The following PIK3AP1 variants were observed in gnomAD, a reference collection of about 807,000 sequenced individuals.
The protein encoded by PIK3AP1 is phosphoinositide 3-kinase adapter protein 1.
PIK3AP1 carries 21 observed loss-of-function variants against 88.1 expected under a neutral mutation model. The ratio of observed to expected loss-of-function variants is 0.24; its 90% confidence interval spans 0.17 to 0.34. PIK3AP1 has a LOEUF of 0.34. Among genes scored for constraint, PIK3AP1 ranks in the 10% least tolerant of loss-of-function variants. The pLI, the probability that PIK3AP1 is intolerant of heterozygous loss-of-function variation, is 1.00. For missense variants in PIK3AP1, 828 were observed against 1,035.7 expected (o/e 0.80, Z 2.75); for synonymous variants, 398 against 400.0 (o/e 1.00, Z 0.06).
rs369164335 is a variant in PIK3AP1, at chr10:96,706,553, T to C, written c.430+3014A>G. Among the ~76,000 whole-genome samples, 190 of 152,320 alleles carry C rather than the reference T, an allele frequency of 1.2e-3. 1 individual carries two copies. The highest frequency in any genetic ancestry group is 4.4e-3 in the African/African-American group (182 of 41,574). On this transcript the variant is annotated intron_variant, in intron 2 of 16. Transcript: ENST00000339364. ...TACTTCAAAAATATTTAAGATTTTC[T>C]GGCCTAGGTGAATCACAGATTTTTA... is the stretch of plus-strand genomic sequence containing the variant.
chr10:96,719,889 G>A (rs1297562844), intron 1 of PIK3AP1, among the ~76,000 whole-genome samples: 1 of 152,062 alleles, frequency 6.6e-6, no homozygotes, highest in Admixed American at 6.5e-5. Flanking sequence ...AAGCCTGGGA[G>A]GGGTGGAGGA....
intron 8 of PIK3AP1, among the ~76,000 whole-genome samples, chr10:96,639,592 T>C (rs1843357792): frequency 6.6e-6 from 1 of 152,220 alleles, no homozygotes; most frequent in Admixed American, 6.5e-5. Context: ...CTTGTATTTA[T>C]GGAGGAGCAA....
Position 96,651,535 on chromosome 10 carries a change from C to A in PIK3AP1, c.829G>T (p.Ala277Ser), listed in dbSNP as rs182619826. 2.9e-5 allele frequency: 47 copies of A among 1,614,174 alleles called. 1 individual carries two copies. In the East Asian group the frequency reaches 1.0e-3, roughly 34 times the overall value. Reference protein sequence around the residue: ...EEIGNLLSNAANPVEFMCQAF... With the variant: ...EEIGNLLSNASNPVEFMCQAF... ...TGACACATGAATTCCACAGGATTCG[C>A]GGCATTGGACAATAAATTCCCAATT... The change falls in exon 5 of 17, where the codon GCG (alanine) becomes TCG (serine). Residue 277 changes from alanine (A) to serine (S), a missense_variant. This residue lies in a region of PIK3AP1 where 610 missense variants were observed against 760.1 expected (regional missense o/e 0.80). Transcript: ENST00000339364.
chr10:96,613,001 T>A (rs1275172816), intron 13 of PIK3AP1, among the ~76,000 whole-genome samples: 17 of 80,794 alleles, frequency 2.1e-4, no homozygotes, highest in Non-Finnish European at 3.6e-4. Flanking sequence ...TTTTTTTTTT[T>A]TTTTTTTTTT....
intron 2 of PIK3AP1, among the ~76,000 whole-genome samples, chr10:96,680,409 T>C (rs955416144): frequency 6.6e-6 from 1 of 152,158 alleles, no homozygotes; most frequent in African/African-American, 2.4e-5. Context: ...GTCATCCAGG[T>C]ACTAAGCCTA....
rs539132228 is a variant in PIK3AP1 at position 96,674,497 on chromosome 10, GTTGT to G, written c.431-17567_431-17564del. On this transcript the variant is annotated intron_variant, in intron 2 of 16. Coordinates refer to ENST00000339364, the MANE Select transcript of PIK3AP1 (RefSeq NM_152309.3). ...GCAAGACAAAGTTAAATCAATTAGTGTTGTTTATCTGTTGACCAAATTTTTCTTC... is the reference window on the plus strand; with the variant it reads ...GCAAGACAAAGTTAAATCAATTAGTGTTATCTGTTGACCAAATTTTTCTTC... 3.9e-5 allele frequency among the ~76,000 whole-genome samples: 6 copies of G among 152,348 alleles called. No individual in the cohort carries two copies. The South Asian group carries it at 1.2e-3, about 32-fold the overall frequency.
At chr10:96,703,819 T>A (rs1844329437) in intron 2 of PIK3AP1, among the ~76,000 whole-genome samples, 1 of 152,224 alleles carries the variant, frequency 6.6e-6, no homozygotes, top group East Asian at 1.9e-4. Context: ...TATAATGGTA[T>A]ATTACAGTGC....
intron 16 of PIK3AP1, among the ~76,000 whole-genome samples, chr10:96,597,669 C>T (rs1364944608): frequency 3.9e-5 from 6 of 152,098 alleles, no homozygotes; most frequent in African/African-American, 9.7e-5. Context: ...CTGATCCCTA[C>T]GTTGGAGTAC....
In PIK3AP1 at chr10:96,684,197, T is replaced by C. The variant is rs184830117; in HGVS notation, c.430+25370A>G. ...TCTTAAAGCTTCTCAGCCATTCTTT[T>C]CTATTAAAGACCATTGGCATAGCTA... is the stretch of plus-strand genomic sequence containing the variant. On this transcript the variant is annotated intron_variant, in intron 2 of 16. Coordinates refer to ENST00000339364, the MANE Select transcript of PIK3AP1 (RefSeq NM_152309.3). Among the ~76,000 whole-genome samples the C allele has an allele frequency of 9.2e-4, 140 of 152,374 alleles. 1 individual carries two copies. The highest frequency in any genetic ancestry group is 3.3e-3 in the African/African-American group (137 of 41,586).
In PIK3AP1 at chr10:96,656,223, T is replaced by C. The variant is rs141529363; in HGVS notation, c.567+575A>G. 2.9e-4 allele frequency among the ~76,000 whole-genome samples: 44 copies of C among 152,350 alleles called. No homozygotes were observed. The East Asian group carries it at 7.9e-3, about 27-fold the overall frequency. ...CATCAGTACTAAGGTAGGATTCAAA[T>C]GGCAGTGGCTCATCAGTTGGGCCCT... is the stretch of plus-strand genomic sequence containing the variant. On this transcript the variant is annotated intron_variant, in intron 3 of 16. Transcript: ENST00000339364.
intron 5 of PIK3AP1, 40 bp from the exon 6 acceptor site, chr10:96,651,420 C>T (rs1302397667): frequency 6.2e-7 from 1 of 1,614,122 alleles, no homozygotes; most frequent in South Asian, 1.1e-5. Flanking sequence ...TGAAATCCAG[C>T]TCTCTTCCAT....
chr10:96,682,239 T>C (rs2134264449), intron 2 of PIK3AP1, among the ~76,000 whole-genome samples: 2 of 152,330 alleles, frequency 1.3e-5, no homozygotes, highest in South Asian at 4.1e-4. Flanking sequence ...TTCTAACGAT[T>C]GAAGCTTTAG....
At chr10:96,697,517 G>A (rs1844236782) in intron 2 of PIK3AP1, among the ~76,000 whole-genome samples, 1 of 152,170 alleles carries the variant, frequency 6.6e-6, no homozygotes, top group African/African-American at 2.4e-5. Flanking sequence ...CAGTCCAGGA[G>A]TTCGAGACTA....
At chr10:96,626,187 G>T (rs1000042360) in intron 10 of PIK3AP1, among the ~76,000 whole-genome samples, 6 of 152,180 alleles carry the variant, frequency 3.9e-5, no homozygotes, top group African/African-American at 1.4e-4. Flanking sequence ...AATAACATGG[G>T]TAGATGGACA....
intron 2 of PIK3AP1, among the ~76,000 whole-genome samples, chr10:96,672,856 G>A (rs1034026793): frequency 3.9e-5 from 6 of 152,240 alleles, no homozygotes; most frequent in African/African-American, 1.4e-4. Context: ...GTCAGCTGGA[G>A]TTGTCTCAGC....
At chr10:96,623,607 AATCCATACCTAGG>A (rs1273424938) in intron 10 of PIK3AP1, 70 bp from the exon 11 acceptor site, 10 of 1,369,016 alleles carry the variant, frequency 7.3e-6, no homozygotes, top group Admixed American at 1.7e-5. Context: ...AATAATAATG[AATCCATACCTAGG>A]ACCACCGTAT....
chr10:96,609,944 C>T (rs1050981855), intron 13 of PIK3AP1, 77 bp from the exon 14 acceptor site: 3 of 1,509,362 alleles, frequency 2.0e-6, no homozygotes, highest in Non-Finnish European at 1.8e-6. Flanking sequence ...AGCTTCCCTC[C>T]ACCTGCCTCT....
intron 2 of PIK3AP1, among the ~76,000 whole-genome samples, chr10:96,706,600 C>G (rs1844368318): frequency 6.6e-6 from 1 of 152,178 alleles, no homozygotes; most frequent in South Asian, 2.1e-4. Flanking sequence ...TGTCTTAGAT[C>G]AAGTCTAAAT....
At chr10:96,611,872 G>C (rs181245299) in intron 13 of PIK3AP1, among the ~76,000 whole-genome samples, 2 of 152,090 alleles carry the variant, frequency 1.3e-5, no homozygotes, top group South Asian at 4.1e-4. Context: ...AAATACACAG[G>C]AAAAAATAGG....
Sources: allele counts gnomAD v4.1 joint callset (sites outside exome capture counted in the v4.1 genomes callset), GRCh38; gene constraint gnomAD v4.1.1; regional missense constraint gnomAD v4.1.1; transcripts MANE v1.5; gene names NCBI Gene and HGNC (gene_info 2026-07-23, HGNC 2026-07-21).